MACROD2: variants seen among roughly 807,000 people sequenced by gnomAD.
The protein encoded by MACROD2 is mono-ADP ribosylhydrolase 2.
A neutral mutation model predicts 70.4 loss-of-function variants in MACROD2; 36 were observed. The ratio of observed to expected loss-of-function variants is 0.51; its 90% CI spans 0.39 to 0.68. MACROD2 has a LOEUF of 0.68. MACROD2 is among the 30% of genes least tolerant of loss of function. The pLI, the probability that MACROD2 is intolerant of heterozygous loss-of-function variation, is 0.00. For synonymous variants in MACROD2, 172 were observed against 178.8 expected, an observed-to-expected ratio of 0.96 and a Z score of 0.30; for missense variants, 496 against 538.4, an observed-to-expected ratio of 0.92 and a Z score of 0.78.
At chr20:14,082,373 T>TTC (rs1206219099) in intron 2 of MACROD2, among the ~76,000 whole-genome samples, 6 of 148,272 alleles carry the variant, frequency 4.0e-5, no homozygotes, top group Non-Finnish European at 9.0e-5. Context: ...TTTTTTTTTT[T>TTC]AGTAGAGACG....
intron 6 of MACROD2, among the ~76,000 whole-genome samples, chr20:15,318,148 G>A (rs996487924): frequency 1.8e-4 from 27 of 152,006 alleles, no homozygotes; most frequent in African/African-American, 6.3e-4. Context: ...AAATGAAAGT[G>A]GTGACATTTC....
At chr20:15,659,597 T>TGC (rs1165906844) in intron 8 of MACROD2, among the ~76,000 whole-genome samples, 1 of 152,024 alleles carries the variant, frequency 6.6e-6, no homozygotes, top group Non-Finnish European at 1.5e-5. Context: ...CTGGAGATAT[T>TGC]TTTGTTTTTC....
chr20:15,836,836 T>C (rs61003366), intron 8 of MACROD2, among the ~76,000 whole-genome samples: 3,999 of 152,232 alleles, frequency 0.026, 181 homozygotes, highest in African/African-American at 0.09. Context: ...ATGGGTCTAA[T>C]TGGGCAGAAG....
At chr20:15,623,106 T>C (rs2049151309) in intron 8 of MACROD2, among the ~76,000 whole-genome samples, 1 of 152,314 alleles carries the variant, frequency 6.6e-6, no homozygotes, top group South Asian at 2.1e-4. Flanking sequence ...GGACCAACAA[T>C]GAAGTAGATT....
At chr20:14,263,972 AACAC>A (rs71190124) in intron 3 of MACROD2, among the ~76,000 whole-genome samples, 9,418 of 126,694 alleles carry the variant, frequency 0.074, 368 homozygotes, top group East Asian at 0.15. Flanking sequence ...ACCCTATCTA[AACAC>A]ACACACACAC....
chr20:16,041,374 C>A (rs2067305638), intron 16 of MACROD2, 96 bp downstream of exon 16: 3 of 986,910 alleles, frequency 3.0e-6, no homozygotes, highest in Non-Finnish European at 4.4e-6. Context: ...TTCTATAAAG[C>A]AACATATTTG....
rs138766468 is a variant in MACROD2, at chr20:15,396,497, A to G, written c.541-34908A>G. 3.9e-5 allele frequency among the ~76,000 whole-genome samples: 6 copies of G among 152,328 alleles called. No individual in the cohort carries two copies. In the East Asian group the frequency reaches 1.2e-3, roughly 29 times the overall value. On this transcript the variant is annotated intron_variant, in intron 6 of 17. Transcript: ENST00000684519. ...TCTAAATCAGACATAGTTGAGCTCT[A>G]TTATAGAATCTTAGAAGAGGAAGGA...
chr20:14,820,822 A>G (rs868631055), intron 5 of MACROD2, among the ~76,000 whole-genome samples: 6 of 151,820 alleles, frequency 4.0e-5, no homozygotes, highest in East Asian at 1.9e-4. Flanking sequence ...TTTGTTCTCC[A>G]TCTGGTTAAG....
At chr20:14,730,630 C>T (rs113559492) in intron 5 of MACROD2, among the ~76,000 whole-genome samples, 9 of 152,184 alleles carry the variant, frequency 5.9e-5, no homozygotes, top group African/African-American at 1.9e-4. Flanking sequence ...CTACGTTATG[C>T]ACTTCAAGAA....
intron 15 of MACROD2, among the ~76,000 whole-genome samples, chr20:16,009,757 CA>C (rs900609433): frequency 5.3e-4 from 76 of 144,650 alleles, no homozygotes; most frequent in African/African-American, 5.3e-4. Flanking sequence ...GACTCTGTCT[CA>C]AAAAAAAAAA....
chr20:15,821,859 C>T (rs2063941876), intron 8 of MACROD2, among the ~76,000 whole-genome samples: 1 of 152,068 alleles, frequency 6.6e-6, no homozygotes, highest in South Asian at 2.1e-4. Context: ...AGTCTTAGAA[C>T]CAGTCCCCTG....
At chr20:14,447,698 T>A (rs1335716055) in intron 3 of MACROD2, among the ~76,000 whole-genome samples, 2 of 151,990 alleles carry the variant, frequency 1.3e-5, no homozygotes, top group African/African-American at 4.8e-5. Context: ...GTTTGGGCTG[T>A]AACTGAACTC....
At chr20:15,466,131 CT>C (rs1418643479) in intron 7 of MACROD2, among the ~76,000 whole-genome samples, 1 of 152,196 alleles carries the variant, frequency 6.6e-6, no homozygotes, top group Non-Finnish European at 1.5e-5. Flanking sequence ...TGATCCCAGA[CT>C]TTCTTGATCA....
At chr20:14,534,856 T>C (rs2085346053) in intron 4 of MACROD2, among the ~76,000 whole-genome samples, 1 of 151,400 alleles carries the variant, frequency 6.6e-6, no homozygotes, top group Non-Finnish European at 1.5e-5. Flanking sequence ...TAACATTAAT[T>C]GATGGGGAGT....
chr20:14,098,538 A>T (rs764777344), intron 3 of MACROD2, among the ~76,000 whole-genome samples: 7 of 152,202 alleles, frequency 4.6e-5, no homozygotes, highest in Non-Finnish European at 7.3e-5. Flanking sequence ...ATTGATGTAG[A>T]ATATATGAAT....
At chr20:15,601,993 A>G (rs2048827791) in intron 8 of MACROD2, among the ~76,000 whole-genome samples, 1 of 151,634 alleles carries the variant, frequency 6.6e-6, no homozygotes, top group East Asian at 1.9e-4. Context: ...GTGCCACTGC[A>G]CTCCAGCCTG....
At chr20:15,018,123 C>G (rs2075135768) in intron 5 of MACROD2, among the ~76,000 whole-genome samples, 1 of 152,214 alleles carries the variant, frequency 6.6e-6, no homozygotes, top group African/African-American at 2.4e-5. Flanking sequence ...AACTTTTATG[C>G]TCTGCTTCCC....
At chr20:15,844,773 T>G (rs1255711292) in intron 8 of MACROD2, among the ~76,000 whole-genome samples, 1 of 152,118 alleles carries the variant, frequency 6.6e-6, no homozygotes, top group Non-Finnish European at 1.5e-5. Context: ...CGGCTCTATA[T>G]TTGATACACA....
At chr20:15,278,075 A>G (rs1273033008) in intron 6 of MACROD2, among the ~76,000 whole-genome samples, 1 of 152,226 alleles carries the variant, frequency 6.6e-6, no homozygotes, top group Non-Finnish European at 1.5e-5. Flanking sequence ...TCAGGGTCCC[A>G]GTGATAGCAA....
Sources: allele counts gnomAD v4.1 joint callset (sites outside exome capture counted in the v4.1 genomes callset), GRCh38; gene constraint gnomAD v4.1.1; transcripts MANE v1.5; gene names NCBI Gene and HGNC (gene_info 2026-07-23, HGNC 2026-07-21).